ARHGAP39: variants seen among roughly 807,000 people sequenced by gnomAD.
The protein encoded by ARHGAP39 is Rho GTPase activating protein 39, also known as rho GTPase-activating protein 39.
In ARHGAP39, 44 loss-of-function variants were observed where a neutral mutation model predicts 106.9. That is an observed-to-expected ratio of 0.41 (90% CI 0.32 to 0.53). The LOEUF (loss-of-function observed/expected upper bound fraction) is 0.53, where lower values mean the gene tolerates loss of function less well. ARHGAP39 is among the 20% of genes least tolerant of loss of function. The probability of loss-of-function intolerance (pLI) is 0.21; values close to 1 mark genes in which losing one functional copy is unlikely to be tolerated. For synonymous variants in ARHGAP39, 768 were observed against 693.2 expected (o/e 1.11, Z -1.69); for missense variants, 1,496 against 1,577.3 (o/e 0.95, Z 0.87).
At chr8:144,618,457 C>T (rs547604519) in intron 1 of ARHGAP39, among the ~76,000 whole-genome samples, 5 of 152,378 alleles carry the variant, frequency 3.3e-5, no homozygotes, top group South Asian at 4.1e-4. Context: ...GGAGAGGAAG[C>T]TTCTGGAGGT....
At chr8:144,549,391 C>T (rs1007306847) in intron 4 of ARHGAP39, among the ~76,000 whole-genome samples, 5 of 152,252 alleles carry the variant, frequency 3.3e-5, no homozygotes, top group Admixed American at 1.3e-4. Context: ...TGCACATCCG[C>T]GGCCTGACGT....
chr8:144,546,914 G>GCAGCCCA (rs1377129022), intron 5 of ARHGAP39, among the ~76,000 whole-genome samples: 1 of 152,208 alleles, frequency 6.6e-6, no homozygotes, highest in African/African-American at 2.4e-5. Context: ...GGAACGCCCA[G>GCAGCCCA]CAGCCCACAC....
chr8:144,558,291 T>G (rs1429419500), intron 3 of ARHGAP39, among the ~76,000 whole-genome samples: 1 of 152,184 alleles, frequency 6.6e-6, no homozygotes, highest in African/African-American at 2.4e-5. Context: ...ATGTCTTTTT[T>G]TTTGTTTGGC....
At chr8:144,593,858 G>A (rs1274317401) in intron 2 of ARHGAP39, among the ~76,000 whole-genome samples, 1 of 152,174 alleles carries the variant, frequency 6.6e-6, no homozygotes, top group Admixed American at 6.5e-5. Context: ...GAGAGGCCAA[G>A]GCAGGTGGAT....
At position 144,540,506 on chromosome 8, in the gene ARHGAP39, T is replaced by C. The variant is rs187004774; in HGVS notation, c.2522-2693A>G. Among the ~76,000 whole-genome samples, 19 of 152,346 alleles carry C rather than the reference T, an allele frequency of 1.2e-4. No individual in the cohort carries two copies. The East Asian group carries it at 3.3e-3, about 26-fold the overall frequency. ...AGCTTCTAATAATTTGTTGCTAGTA[T>C]ATAGAAATATGAGGCCAGGCTTGGT... is the stretch of plus-strand genomic sequence containing the variant. On this transcript the variant is annotated intron_variant, in intron 6 of 11. Coordinates refer to ENST00000377307, the MANE Select transcript of ARHGAP39 (RefSeq NM_025251.3).
chr8:144,675,451 T>C (rs1239335669), intron 1 of ARHGAP39, among the ~76,000 whole-genome samples: 1 of 152,192 alleles, frequency 6.6e-6, no homozygotes, highest in East Asian at 1.9e-4. Flanking sequence ...TTCCTTCTGG[T>C]GGGCTCGTGG....
At chr8:144,633,195 A>C (rs1821106492) in intron 1 of ARHGAP39, among the ~76,000 whole-genome samples, 1 of 151,956 alleles carries the variant, frequency 6.6e-6, no homozygotes, top group Admixed American at 6.5e-5. Flanking sequence ...GCAGTGGCTC[A>C]CGCCTATAAT....
intron 1 of ARHGAP39, among the ~76,000 whole-genome samples, chr8:144,637,941 T>C (rs992263041): frequency 1.3e-5 from 2 of 151,950 alleles, no homozygotes; most frequent in African/African-American, 4.8e-5. Flanking sequence ...GTAATCCTCC[T>C]TCCTCAGCCT....
At chr8:144,619,272 G>A (rs1054201837) in intron 1 of ARHGAP39, among the ~76,000 whole-genome samples, 22 of 152,202 alleles carry the variant, frequency 1.4e-4, no homozygotes, top group Non-Finnish European at 1.8e-4. Context: ...GGCTGGCGAC[G>A]CCCGCCATAG....
intron 1 of ARHGAP39, among the ~76,000 whole-genome samples, chr8:144,643,884 T>C (rs1472503051): frequency 1.3e-5 from 2 of 151,606 alleles, no homozygotes; most frequent in African/African-American, 4.9e-5. Context: ...TTTCACCCAA[T>C]AGGATGGCTA....
chr8:144,610,786 C>G (rs1312698241), intron 1 of ARHGAP39, among the ~76,000 whole-genome samples: 12 of 152,008 alleles, frequency 7.9e-5, no homozygotes, highest in African/African-American at 2.7e-4. Flanking sequence ...TGATATCCGA[C>G]AAGTTTTGAT....
chr8:144,681,884 A>C (rs963820404), intron 1 of ARHGAP39, among the ~76,000 whole-genome samples: 2 of 152,242 alleles, frequency 1.3e-5, no homozygotes, highest in African/African-American at 4.8e-5. Context: ...GGTAAAGCTA[A>C]GATACAGAGG....
intron 4 of ARHGAP39, among the ~76,000 whole-genome samples, chr8:144,551,180 T>C (rs1817675392): frequency 1.3e-5 from 2 of 151,862 alleles, no homozygotes; most frequent in Non-Finnish European, 2.9e-5. Flanking sequence ...GGGAGGCGCC[T>C]TTCTGCTGTC....
chr8:144,598,118 A>G (rs746221192), intron 2 of ARHGAP39, among the ~76,000 whole-genome samples: 2 of 152,214 alleles, frequency 1.3e-5, no homozygotes, highest in Non-Finnish European at 2.9e-5. Flanking sequence ...GGGGAAGTCC[A>G]GAGGGCGCCC....
chr8:144,648,394 A>G (rs1821495235), intron 1 of ARHGAP39, among the ~76,000 whole-genome samples: 1 of 152,244 alleles, frequency 6.6e-6, no homozygotes, highest in Admixed American at 6.5e-5. Flanking sequence ...AAGTAACTGG[A>G]GCAATCTCCC....
At chr8:144,661,062 G>C (rs1821809542) in intron 1 of ARHGAP39, among the ~76,000 whole-genome samples, 1 of 152,112 alleles carries the variant, frequency 6.6e-6, no homozygotes, top group Non-Finnish European at 1.5e-5. Context: ...GATCACCTGT[G>C]CCCAGGAGAT....
chr8:144,535,371 C>T (rs1160340090), intron 7 of ARHGAP39, among the ~76,000 whole-genome samples: 1 of 152,132 alleles, frequency 6.6e-6, no homozygotes, highest in African/African-American at 2.4e-5. Flanking sequence ...TGTCATGGTC[C>T]TTGGGACCAC....
intron 1 of ARHGAP39, among the ~76,000 whole-genome samples, chr8:144,649,072 T>C (rs879513004): frequency 2.0e-5 from 3 of 152,130 alleles, no homozygotes; most frequent in Admixed American, 1.3e-4. Flanking sequence ...AGTTGGCTTC[T>C]TGGAAAAATT....
At chr8:144,533,743 CAG>C (rs1193993024) in intron 8 of ARHGAP39, among the ~76,000 whole-genome samples, 1 of 152,194 alleles carries the variant, frequency 6.6e-6, no homozygotes, top group African/African-American at 2.4e-5. Context: ...GTGAAACTTC[CAG>C]AAGTCTGTGG....
Sources: gnomAD v4.1 joint callset for allele counts (sites outside exome capture counted in the v4.1 genomes callset) on GRCh38, gnomAD v4.1.1 for gene constraint, MANE v1.5 for transcripts, NCBI Gene and HGNC (gene_info 2026-07-23, HGNC 2026-07-21) for gene names.